GSN: variants seen among roughly 807,000 people sequenced by gnomAD.
GSN encodes the protein gelsolin, also known as actin-depolymerizing factor.
Under a neutral mutation model 85.7 loss-of-function variants are expected in GSN, and 56 were observed. The ratio of observed to expected loss-of-function variants is 0.65; its 90% CI spans 0.53 to 0.82. The LOEUF is 0.82. Ranked by LOEUF, GSN falls within the 40% of genes least tolerant of loss-of-function variation. The pLI is 0.00. For missense variants in GSN, 857 were observed against 979.8 expected, an observed-to-expected ratio of 0.87 and a Z score of 1.67; for synonymous variants, 373 against 399.1, an observed-to-expected ratio of 0.93 and a Z score of 0.78.
intron 6 of GSN, chr9:121,313,686 G>T (rs1466518064): frequency 1.1e-5 from 6 of 568,534 alleles, no homozygotes; most frequent in South Asian, 7.9e-5. Context: ...TATCTGAAGC[G>T]CTGTCTGGAG....
At chr9:121,227,932 C>G (rs1194024784) in intron 4 of GSN, among the ~76,000 whole-genome samples, 1 of 152,080 alleles carries the variant, frequency 6.6e-6, no homozygotes, top group African/African-American at 2.4e-5. Flanking sequence ...CTGGACATCC[C>G]GGGGCCAGGA....
intron 6 of GSN, among the ~76,000 whole-genome samples, chr9:121,255,672 G>A (rs959040589): frequency 1.3e-5 from 2 of 151,990 alleles, no homozygotes; most frequent in Non-Finnish European, 2.9e-5. Flanking sequence ...TAATGGAATG[G>A]CATTCTACTG....
At chr9:121,306,080 G>T (rs539811475) in intron 4 of GSN, among the ~76,000 whole-genome samples, 3 of 151,988 alleles carry the variant, frequency 2.0e-5, no homozygotes, top group African/African-American at 4.8e-5. Context: ...TTGATTCCCC[G>T]CCCCTCCTCC....
chr9:121,298,644 T>C (rs2133097125), intron 2 of GSN, among the ~76,000 whole-genome samples: 1 of 152,276 alleles, frequency 6.6e-6, no homozygotes, highest in East Asian at 1.9e-4. Context: ...GAATGAGACA[T>C]TGAAAACATG....
At chr9:121,268,880 C>T (rs1356027266) in intron 1 of GSN, among the ~76,000 whole-genome samples, 1 of 152,164 alleles carries the variant, frequency 6.6e-6, no homozygotes, top group Non-Finnish European at 1.5e-5. Flanking sequence ...GGTCCAGCCC[C>T]CCAGAACCTA....
At chr9:121,290,605 A>G (rs1330898277) in intron 2 of GSN, among the ~76,000 whole-genome samples, 1 of 152,224 alleles carries the variant, frequency 6.6e-6, no homozygotes, top group African/African-American at 2.4e-5. Flanking sequence ...TTATGAATAC[A>G]TTTAGATAGT....
chr9:121,319,382 G>A (rs2062113336), intron 10 of GSN, among the ~76,000 whole-genome samples: 1 of 152,226 alleles, frequency 6.6e-6, no homozygotes, highest in Non-Finnish European at 1.5e-5. Flanking sequence ...GGCCTTGAAT[G>A]CCAATTTCAA....
intron 6 of GSN, among the ~76,000 whole-genome samples, chr9:121,257,162 A>G (rs1023897369): frequency 4.6e-5 from 7 of 152,198 alleles, no homozygotes; most frequent in African/African-American, 1.7e-4. Context: ...AAGAAACAGG[A>G]AATCATTTGA....
intron 5 of GSN, among the ~76,000 whole-genome samples, chr9:121,236,283 G>A (rs531439553): frequency 5.9e-5 from 9 of 152,114 alleles, no homozygotes; most frequent in African/African-American, 1.2e-4. Context: ...GCAGTGGTGC[G>A]ATCTCGGCTT....
chr9:121,314,095 C>A, intron 7 of GSN, 72 bp downstream of exon 7: 1 of 1,179,396 alleles, frequency 8.5e-7, no homozygotes. Context: ...GTCTTCCCCA[C>A]TCCACTGCTA....
At chr9:121,282,893 C>A (rs2057568793) in intron 2 of GSN, 1 of 224,548 alleles carries the variant, frequency 4.5e-6, no homozygotes, top group African/African-American at 2.3e-5. Flanking sequence ...TGGCATAGAC[C>A]CAGCTGAGCA....
intron 1 of GSN, among the ~76,000 whole-genome samples, chr9:121,277,470 G>A (rs966325762): frequency 6.6e-6 from 1 of 152,204 alleles, no homozygotes; most frequent in Admixed American, 6.5e-5. Context: ...TCTGTTATTA[G>A]TGTAGAATCA....
At chr9:121,260,192 G>A (rs1011312227) in intron 6 of GSN, among the ~76,000 whole-genome samples, 4 of 152,290 alleles carry the variant, frequency 2.6e-5, no homozygotes, top group South Asian at 2.1e-4. Flanking sequence ...GCAAGACTGC[G>A]CCAGGGAGAA....
intron 5 of GSN, among the ~76,000 whole-genome samples, chr9:121,240,745 G>T (rs1424655869): frequency 6.6e-6 from 1 of 152,200 alleles, no homozygotes; most frequent in African/African-American, 2.4e-5. Flanking sequence ...CACTAAAGAT[G>T]GGGGAGGCAT....
intron 4 of GSN, among the ~76,000 whole-genome samples, chr9:121,217,221 C>T (rs1488360298): frequency 6.6e-6 from 1 of 151,934 alleles, no homozygotes; most frequent in Non-Finnish European, 1.5e-5. Flanking sequence ...AAAAAATTAG[C>T]TGGGTGTGGT....
chr9:121,330,056 C>T (rs1488409590), intron 16 of GSN, among the ~76,000 whole-genome samples: 2 of 152,118 alleles, frequency 1.3e-5, no homozygotes, highest in Non-Finnish European at 2.9e-5. Context: ...GTTGGAAGAT[C>T]GGGACCAAAA....
intron 1 of GSN, among the ~76,000 whole-genome samples, chr9:121,268,807 G>A (rs149257780): frequency 9.1e-4 from 138 of 152,328 alleles, no homozygotes; most frequent in African/African-American, 3.1e-3. Flanking sequence ...TCACACGGAA[G>A]CTTCTTCTGG....
chr9:121,296,526 T>C (rs2059237076), intron 2 of GSN, among the ~76,000 whole-genome samples: 1 of 152,134 alleles, frequency 6.6e-6, no homozygotes, highest in Non-Finnish European at 1.5e-5. Context: ...CTGCTTGGGC[T>C]AGGAAAGAGG....
intron 5 of GSN, among the ~76,000 whole-genome samples, chr9:121,247,844 G>T (rs1246128195): frequency 6.6e-6 from 1 of 152,000 alleles, no homozygotes; most frequent in Non-Finnish European, 1.5e-5. Flanking sequence ...CACTGATAAA[G>T]CCCAGGTAAA....
Sources: allele counts gnomAD v4.1 joint callset (sites outside exome capture counted in the v4.1 genomes callset), GRCh38; gene constraint gnomAD v4.1.1; transcripts MANE v1.5; gene names NCBI Gene and HGNC (gene_info 2026-07-23, HGNC 2026-07-21).